The following PCLO variants were observed in gnomAD, a reference collection of about 807,000 sequenced individuals.
PCLO encodes piccolo presynaptic cytomatrix protein.
In PCLO, 82 loss-of-function variants were observed where a neutral mutation model predicts 427.5. The observed-to-expected ratio is 0.19, with a 90% CI of 0.16 to 0.23. The LOEUF is 0.23. Ranked by LOEUF, PCLO falls within the 10% of genes least tolerant of loss-of-function variation. The pLI, the probability that PCLO is intolerant of heterozygous loss-of-function variation, is 1.00. For synonymous variants in PCLO, 2,357 were observed against 2,155.4 expected (o/e 1.09, Z -2.59); for missense variants, 6,239 against 6,115.9 (o/e 1.02, Z -0.67).
At chr7:82,812,067 GAGA>G (rs891126932) in intron 20 of PCLO, among the ~76,000 whole-genome samples, 4 of 151,430 alleles carry the variant, frequency 2.6e-5, no homozygotes, top group East Asian at 3.9e-4. Context: ...GCTCCTTTTA[GAGA>G]AGAAGATGAA....
intron 3 of PCLO, among the ~76,000 whole-genome samples, chr7:83,065,775 A>C (rs1297223577): frequency 6.6e-6 from 1 of 152,096 alleles, no homozygotes; most frequent in Admixed American, 6.6e-5. Context: ...TGCCCCAGCT[A>C]AATGAACAAA....
In PCLO at chr7:83,068,818, A is replaced by G. The variant is rs780788888; in HGVS notation, c.3300+65432T>C. Among the ~76,000 whole-genome samples the G allele has an allele frequency of 5.6e-4, 86 of 152,274 alleles. 1 individual carries two copies. The highest frequency in any genetic ancestry group is 7.6e-4 in the Non-Finnish European group (52 of 68,008). ...AAACCTGTATTTTGAAGAGATCTCT[A>G]TACTCCCATGTTCATTGCAGCATTA... On this transcript the variant is annotated intron_variant, in intron 3 of 24. Transcript: ENST00000333891.
intron 18 of PCLO, among the ~76,000 whole-genome samples, chr7:82,825,524 G>A (rs939079587): frequency 2.6e-4 from 39 of 151,522 alleles, no homozygotes; most frequent in African/African-American, 8.2e-4. Context: ...AAAGGATGTC[G>A]TATTTTGTAG....
At chr7:83,021,054 A>G (rs1028458441) in intron 3 of PCLO, among the ~76,000 whole-genome samples, 3 of 152,158 alleles carry the variant, frequency 2.0e-5, no homozygotes, top group Non-Finnish European at 4.4e-5. Flanking sequence ...GCTGTTCTGA[A>G]GAAACCCAGA....
At chr7:83,013,893 A>G (rs115082177) in intron 3 of PCLO, among the ~76,000 whole-genome samples, 1,737 of 152,286 alleles carry the variant, frequency 0.011, 39 homozygotes, top group African/African-American at 0.039. Flanking sequence ...CTTTGTTATT[A>G]AACAAAACTT....
At chr7:82,870,378 G>C (rs1476724573) in intron 10 of PCLO, among the ~76,000 whole-genome samples, 1 of 151,896 alleles carries the variant, frequency 6.6e-6, no homozygotes, top group Admixed American at 6.6e-5. Flanking sequence ...GACAAAACTG[G>C]ATATTCATAT....
Position 82,798,714 on chromosome 7 carries a change from A to G in PCLO, c.15007+2804T>C, listed in dbSNP as rs113599856. Among the ~76,000 whole-genome samples the G allele has an allele frequency of 3.0e-3, 451 of 152,304 alleles. 2 individuals are homozygous for G. The highest frequency in any genetic ancestry group is 0.011 in the African/African-American group (443 of 41,572). Reference sequence around the variant, plus strand: ...TAACTTTTTAAAATATTTTGCTTATAGTGATTCATGCCCAATTCATATAGA... The same window carrying G: ...TAACTTTTTAAAATATTTTGCTTATGGTGATTCATGCCCAATTCATATAGA... On this transcript the variant is annotated intron_variant, in intron 22 of 24. Coordinates refer to ENST00000333891, the MANE Select transcript of PCLO (RefSeq NM_033026.6).
chr7:82,921,062 AG>A (rs1794583938), intron 6 of PCLO, among the ~76,000 whole-genome samples: 1 of 151,704 alleles, frequency 6.6e-6, no homozygotes, highest in African/African-American at 2.4e-5. Context: ...ACTAGATGGA[AG>A]AAATCTACAC....
chr7:82,820,481 T>C (rs1791765262), intron 20 of PCLO: 27 of 1,188,640 alleles, frequency 2.3e-5, no homozygotes, highest in Non-Finnish European at 2.8e-5. Context: ...CAGTAGTTTA[T>C]GAATGAAATA....
At chr7:82,858,843 G>A (rs986322659) in intron 10 of PCLO, among the ~76,000 whole-genome samples, 5 of 152,052 alleles carry the variant, frequency 3.3e-5, no homozygotes, top group South Asian at 2.1e-4. Flanking sequence ...AATACTATGC[G>A]CCTATGGATC....
At chr7:82,801,497 A>G (rs1490918683) in intron 22 of PCLO, 21 bp downstream of exon 22, 4 of 1,348,570 alleles carry the variant, frequency 3.0e-6, no homozygotes, top group South Asian at 1.2e-5. Context: ...CCAAAATCCA[A>G]TATTGTAAAT....
At chr7:82,977,535 C>A (rs1295657645) in intron 3 of PCLO, among the ~76,000 whole-genome samples, 3 of 151,970 alleles carry the variant, frequency 2.0e-5, no homozygotes, top group Middle Eastern at 3.4e-3. Context: ...GCCTCAGCCT[C>A]CCGAGTAGTT....
intron 2 of PCLO, among the ~76,000 whole-genome samples, chr7:83,151,672 C>T (rs938797073): frequency 6.6e-6 from 1 of 152,268 alleles, no homozygotes; most frequent in Non-Finnish European, 1.5e-5. Context: ...ACATACTTCA[C>T]CTTTCATGAA....
At chr7:82,987,102 T>C (rs900818239) in intron 3 of PCLO, among the ~76,000 whole-genome samples, 1 of 152,042 alleles carries the variant, frequency 6.6e-6, no homozygotes, top group Non-Finnish European at 1.5e-5. Flanking sequence ...ATATAATGCA[T>C]GTAATTTGTG....
intron 22 of PCLO, among the ~76,000 whole-genome samples, chr7:82,778,098 G>A (rs1790791797): frequency 6.6e-6 from 1 of 152,040 alleles, no homozygotes; most frequent in African/African-American, 2.4e-5. Context: ...ATTAAAAAGT[G>A]AGAAAAGGAC....
intron 3 of PCLO, among the ~76,000 whole-genome samples, chr7:83,024,297 C>T (rs995753232): frequency 1.3e-5 from 2 of 152,182 alleles, no homozygotes; most frequent in African/African-American, 2.4e-5. Context: ...ACTCGGGAAG[C>T]GCAAGGGGTC....
chr7:82,811,842 G>A (rs981810731), intron 20 of PCLO, among the ~76,000 whole-genome samples: 5 of 151,256 alleles, frequency 3.3e-5, no homozygotes, highest in Non-Finnish European at 7.4e-5. Flanking sequence ...TAAGTCGTTA[G>A]GCATGGAAGT....
intron 6 of PCLO, among the ~76,000 whole-genome samples, chr7:82,926,146 G>T (rs971130895): frequency 3.2e-4 from 48 of 152,164 alleles, no homozygotes; most frequent in African/African-American, 1.1e-3. Flanking sequence ...CATTAGCATT[G>T]CAATAGGGCA....
intron 3 of PCLO, among the ~76,000 whole-genome samples, chr7:83,051,884 C>T (rs146819534): frequency 5.9e-5 from 9 of 151,990 alleles, no homozygotes; most frequent in Admixed American, 2.0e-4. Context: ...AAATAGAGAT[C>T]CCAGAAATAG....
Sources: allele counts gnomAD v4.1 joint callset (sites outside exome capture counted in the v4.1 genomes callset), GRCh38; gene constraint gnomAD v4.1.1; transcripts MANE v1.5; gene names NCBI Gene and HGNC (gene_info 2026-07-23, HGNC 2026-07-21).